Variants in RMST observed in about 807,000 individuals in gnomAD.
RMST encodes rhabdomyosarcoma 2 associated transcript, also known as long intergenic non-protein coding RNA 54.
At chr12:97,475,589 T>TTG (rs1022211281) in intron 5 of RMST, among the ~76,000 whole-genome samples, 1 of 141,084 alleles carries the variant, frequency 7.1e-6, no homozygotes, top group Non-Finnish European at 1.6e-5. Flanking sequence ...TTTTTTTTGT[T>TTG]TTTTTTTTTT....
At chr12:97,534,870 T>G (rs1881946092) in intron 11 of RMST, among the ~76,000 whole-genome samples, 1 of 151,692 alleles carries the variant, frequency 6.6e-6, no homozygotes, top group Non-Finnish European at 1.5e-5. Flanking sequence ...TTTTAAAAAG[T>G]GACCAATGGT....
chr12:97,538,923 T>C (rs1199294217), intron 11 of RMST, among the ~76,000 whole-genome samples: 3 of 151,400 alleles, frequency 2.0e-5, no homozygotes, highest in Non-Finnish European at 4.4e-5. Context: ...TACAGAAATG[T>C]TGACATACTG....
At chr12:97,551,911 C>T (rs1477607688) in intron 11 of RMST, 3 of 152,086 alleles carry the variant, frequency 2.0e-5, no homozygotes, top group African/African-American at 7.2e-5. Flanking sequence ...TACCAAAATC[C>T]TCTTGAGAAG....
At chr12:97,494,697 T>G (rs1043098251) in exon 9 of RMST, 1 of 152,230 alleles carries the variant, frequency 6.6e-6, no homozygotes, top group Middle Eastern at 3.2e-3. Context: ...ACTTTCAGAC[T>G]GGCTGAAACC....
At chr12:97,493,547 A>G (rs1357138416) in intron 7 of RMST, among the ~76,000 whole-genome samples, 1 of 152,150 alleles carries the variant, frequency 6.6e-6, no homozygotes, top group Non-Finnish European at 1.5e-5. Flanking sequence ...CTTGACTGAC[A>G]TTTTATCTGT....
At chr12:97,522,829 C>G (rs1257534386) in intron 10 of RMST, among the ~76,000 whole-genome samples, 1 of 152,034 alleles carries the variant, frequency 6.6e-6, no homozygotes, top group Admixed American at 6.5e-5. Context: ...CCTGAAAAAA[C>G]AAAACATCGA....
At chr12:97,518,443 C>T (rs908658621) in intron 10 of RMST, among the ~76,000 whole-genome samples, 1 of 152,116 alleles carries the variant, frequency 6.6e-6, no homozygotes, top group African/African-American at 2.4e-5. Context: ...GTTCACTTCT[C>T]CCAAAATGCT....
intron 5 of RMST, among the ~76,000 whole-genome samples, chr12:97,479,693 C>T (rs539475484): frequency 6.6e-6 from 1 of 152,240 alleles, no homozygotes; most frequent in South Asian, 2.1e-4. Context: ...CTGGACTTCC[C>T]TTCTTCCTCT....
chr12:97,463,563 G>A (rs1003118975), intron 4 of RMST, among the ~76,000 whole-genome samples: 10 of 152,164 alleles, frequency 6.6e-5, no homozygotes, highest in Admixed American at 4.6e-4. Flanking sequence ...AATTCTGTTT[G>A]ATGATAGTTA....
intron 10 of RMST, among the ~76,000 whole-genome samples, chr12:97,512,854 C>A (rs1388626020): frequency 6.6e-6 from 1 of 151,882 alleles, no homozygotes; most frequent in Non-Finnish European, 1.5e-5. Context: ...GTCGGGGAGG[C>A]TCCGGGCTGC....
At chr12:97,561,937 A>T (rs1031187346) in intron 13 of RMST, among the ~76,000 whole-genome samples, 14 of 152,108 alleles carry the variant, frequency 9.2e-5, no homozygotes, top group African/African-American at 3.4e-4. Context: ...TAATTTTGCC[A>T]GGGAGGAGGG....
intron 10 of RMST, among the ~76,000 whole-genome samples, chr12:97,508,989 T>C (rs1166701471): frequency 2.6e-5 from 4 of 152,246 alleles, no homozygotes; most frequent in African/African-American, 9.6e-5. Context: ...AGATTCATCA[T>C]TGCTGAAGAC....
chr12:97,478,680 T>G (rs2136411689), intron 5 of RMST, among the ~76,000 whole-genome samples: 1 of 152,316 alleles, frequency 6.6e-6, no homozygotes, highest in Non-Finnish European at 1.5e-5. Context: ...AGCATTATTA[T>G]AAATAAAGTG....
intron 5 of RMST, among the ~76,000 whole-genome samples, chr12:97,478,325 T>C (rs1262807123): frequency 6.6e-6 from 1 of 152,232 alleles, no homozygotes; most frequent in Non-Finnish European, 1.5e-5. Context: ...TGATTTAATT[T>C]CTTACATCGT....
chr12:97,531,453 A>G (rs959624044), intron 11 of RMST, among the ~76,000 whole-genome samples: 1 of 151,886 alleles, frequency 6.6e-6, no homozygotes, highest in Admixed American at 6.6e-5. Context: ...ATTTACGTGT[A>G]TTTTCTTTTT....
intron 10 of RMST, among the ~76,000 whole-genome samples, chr12:97,524,489 A>G (rs904049865): frequency 6.6e-6 from 1 of 152,236 alleles, no homozygotes; most frequent in Non-Finnish European, 1.5e-5. Flanking sequence ...AATAGTGTCT[A>G]AAATTATGAT....
chr12:97,556,933 A>AT (rs542088546), intron 11 of RMST, among the ~76,000 whole-genome samples: 50 of 151,648 alleles, frequency 3.3e-4, no homozygotes, highest in Non-Finnish European at 3.8e-4. Context: ...ACAACACTGT[A>AT]TTTTTTTTTC....
intron 11 of RMST, among the ~76,000 whole-genome samples, chr12:97,538,344 T>C (rs189336847): frequency 2.8e-4 from 42 of 151,588 alleles, no homozygotes; most frequent in African/African-American, 9.6e-4. Flanking sequence ...TTGGTTTCCA[T>C]TACCTTTGTC....
At chr12:97,526,146 A>T (rs1254759861) in intron 10 of RMST, among the ~76,000 whole-genome samples, 1 of 152,096 alleles carries the variant, frequency 6.6e-6, no homozygotes, top group Non-Finnish European at 1.5e-5. Context: ...TATAAAGTGC[A>T]CAATAAATGT....
Sources: allele counts gnomAD v4.1 joint callset (sites outside exome capture counted in the v4.1 genomes callset), GRCh38; gene constraint gnomAD v4.1.1; transcripts MANE v1.5; gene names NCBI Gene and HGNC (gene_info 2026-07-23, HGNC 2026-07-21).